The following ZFAT variants were observed in gnomAD, a reference collection of about 807,000 sequenced individuals.
ZFAT encodes zinc finger protein ZFAT.
A neutral mutation model predicts 117.7 loss-of-function variants in ZFAT; 64 were observed. The observed-to-expected ratio is 0.54, with a 90% CI of 0.44 to 0.67. The LOEUF (loss-of-function observed/expected upper bound fraction) is 0.67, where lower values mean the gene tolerates loss of function less well. ZFAT is among the 30% of genes least tolerant of loss of function. The pLI is 0.00. For missense variants in ZFAT, 1,433 were observed against 1,584.5 expected (o/e 0.90, Z 1.62); for synonymous variants, 679 against 615.0 (o/e 1.10, Z -1.54).
chr8:134,491,261 A>T (rs888789977), intron 15 of ZFAT, among the ~76,000 whole-genome samples: 1 of 152,198 alleles, frequency 6.6e-6, no homozygotes, highest in Non-Finnish European at 1.5e-5. Flanking sequence ...TGCTCTACGA[A>T]AGCCCTCCGG....
chr8:134,794,061 T>C, the ZFAT span: 1 of 152,254 alleles, frequency 6.6e-6, no homozygotes, highest in Non-Finnish European at 1.5e-5. Context: ...TGTTGTATGA[T>C]CGCTTTTTCC....
At chr8:134,596,530 CT>C (rs1180991614) in intron 7 of ZFAT, among the ~76,000 whole-genome samples, 1 of 152,144 alleles carries the variant, frequency 6.6e-6, no homozygotes, top group Non-Finnish European at 1.5e-5. Context: ...AAGGTTAATA[CT>C]TAACCTCCTA....
the ZFAT span, among the ~76,000 whole-genome samples, chr8:134,759,025 G>A: frequency 6.6e-6 from 1 of 152,188 alleles, no homozygotes; most frequent in South Asian, 2.1e-4. Flanking sequence ...AGGGAGAAGG[G>A]ACTGACTATT....
At position 134,515,950 on chromosome 8, in the gene ZFAT, C is replaced by T. The variant is rs79064626; in HGVS notation, c.3235-3349G>A. 2.4e-4 allele frequency among the ~76,000 whole-genome samples: 36 copies of T among 152,336 alleles called. No individual in the cohort carries two copies. In the East Asian group the frequency reaches 6.6e-3, roughly 28 times the overall value. Reference sequence around the variant, plus strand: ...CAAAAACTTTACAATAAATCCTTAACATCATCAATGGTCTAGACAATGTTT... The same window carrying T: ...CAAAAACTTTACAATAAATCCTTAATATCATCAATGGTCTAGACAATGTTT... On this transcript the variant is annotated intron_variant, in intron 13 of 15. Coordinates refer to ENST00000377838, the MANE Select transcript of ZFAT (RefSeq NM_020863.4).
At chr8:134,554,748 T>G (rs979698887) in intron 11 of ZFAT, among the ~76,000 whole-genome samples, 1 of 152,194 alleles carries the variant, frequency 6.6e-6, no homozygotes, top group Non-Finnish European at 1.5e-5. Context: ...CCTGCAAAGC[T>G]GGTAGAGCGC....
intron 2 of ZFAT, among the ~76,000 whole-genome samples, chr8:134,656,936 C>T (rs1055578002): frequency 6.6e-6 from 1 of 152,236 alleles, no homozygotes; most frequent in Non-Finnish European, 1.5e-5. Context: ...ACACTACAGA[C>T]AAGATGCATC....
At chr8:134,550,579 C>T (rs538384520) in intron 11 of ZFAT, among the ~76,000 whole-genome samples, 48 of 152,296 alleles carry the variant, frequency 3.2e-4, no homozygotes, top group Non-Finnish European at 6.6e-4. Flanking sequence ...GACTCTTTAG[C>T]GTTCTCTGAT....
At chr8:134,813,782 G>A in the ZFAT span, among the ~76,000 whole-genome samples, 2 of 143,860 alleles carry the variant, frequency 1.4e-5, no homozygotes, top group African/African-American at 5.2e-5. Flanking sequence ...TCTCAAAAAG[G>A]TATGCCGTTT....
At chr8:134,693,628 CG>C (rs1833688467) in intron 1 of ZFAT, among the ~76,000 whole-genome samples, 1 of 25,548 alleles carries the variant, frequency 3.9e-5, no homozygotes, top group Admixed American at 2.6e-4. Flanking sequence ...AAACGGGGCG[CG>C]GGGGGTGGGA....
chr8:134,826,535 G>A, the ZFAT span, among the ~76,000 whole-genome samples: 1 of 152,012 alleles, frequency 6.6e-6, no homozygotes, highest in South Asian at 2.1e-4. Context: ...ATCTATTTAA[G>A]AGCATGTTTT....
chr8:134,819,500 C>A, the ZFAT span, among the ~76,000 whole-genome samples: 5 of 84,188 alleles, frequency 5.9e-5, no homozygotes, highest in South Asian at 6.1e-4. Context: ...TTTACCACCC[C>A]CCCCCCCCGC....
intron 1 of ZFAT, among the ~76,000 whole-genome samples, chr8:134,702,833 A>G (rs1834052044): frequency 6.6e-6 from 1 of 152,000 alleles, no homozygotes; most frequent in Non-Finnish European, 1.5e-5. Flanking sequence ...CACCACGTCC[A>G]GCTAATTTCT....
upstream of ZFAT, among the ~76,000 whole-genome samples, chr8:134,717,915 G>C (rs1814230231): frequency 1.3e-5 from 2 of 152,038 alleles, no homozygotes; most frequent in Admixed American, 1.3e-4. Context: ...GGCTGGTCTT[G>C]AACTCCTGAC....
intron 3 of ZFAT, among the ~76,000 whole-genome samples, chr8:134,621,632 A>AT (rs1319541615): frequency 1.3e-5 from 2 of 152,082 alleles, no homozygotes; most frequent in Non-Finnish European, 2.9e-5. Context: ...TAATTTTCAA[A>AT]TTTTTTTAAC....
In ZFAT at chr8:134,712,882, AG is replaced by A. The variant is rs772663241; in HGVS notation, c.-20del. ...TCTCCATGGCAACGCCCCACCGCGGAGGAAAAAAAAGCCTCGGGCTCTTCCG... is the reference window on the plus strand; with the variant it reads ...TCTCCATGGCAACGCCCCACCGCGGAGAAAAAAAAGCCTCGGGCTCTTCCG... On this transcript the variant is annotated 5_prime_UTR_variant, in exon 1 of 16. Coordinates refer to ENST00000377838, the MANE Select transcript of ZFAT (RefSeq NM_020863.4). 38 of 1,347,810 alleles carry A rather than the reference AG, an allele frequency of 2.8e-5. No homozygotes were observed. Among genetic ancestry groups the A allele is most frequent in the African/African-American group, 1.2e-4 (7 of 60,112 alleles). The allele number at this position is 1,347,810 out of a possible 1,614,324, so 83.5% of individuals were successfully genotyped here. A position where few individuals can be genotyped will look rare whatever the true frequency, so the allele number is the denominator to read the frequency against.
chr8:134,658,894 T>G (rs764575115), intron 1 of ZFAT, among the ~76,000 whole-genome samples: 2 of 152,100 alleles, frequency 1.3e-5, no homozygotes, highest in Non-Finnish European at 2.9e-5. Context: ...CATAGGAACT[T>G]TGGGGATGGA....
intron 5 of ZFAT, 78 bp downstream of exon 5, chr8:134,608,651 T>C (rs3739421): frequency 0.12 from 176,034 of 1,514,110 alleles, 11,245 homozygotes; most frequent in Admixed American, 0.22. Flanking sequence ...CGAACAAGCA[T>C]GCTGATCCTT....
intron 3 of ZFAT, 95 bp from the exon 4 acceptor site, chr8:134,610,750 ACACAGCTCTTTGGTCTGCAGTGC>A (rs1828272634): frequency 6.9e-7 from 1 of 1,449,658 alleles, no homozygotes; most frequent in African/African-American, 1.4e-5. Context: ...AGTAAAGGAA[ACACAGCTCTTTGGTCTGCAGTGC>A]CACGCAGACC....
rs183931351 is a variant in ZFAT, at chr8:134,585,029, G to T, written c.2714-1024C>A. On this transcript the variant is annotated intron_variant, in intron 9 of 15. Coordinates refer to ENST00000377838, the MANE Select transcript of ZFAT (RefSeq NM_020863.4). Reference sequence around the variant, plus strand: ...AGCTCTGGTCTGGGTTTCTAGAGATGAAGTAATAATCTAACCATAAGTGTC... The same window carrying T: ...AGCTCTGGTCTGGGTTTCTAGAGATTAAGTAATAATCTAACCATAAGTGTC... Among the ~76,000 whole-genome samples, 46 of 152,304 alleles carry T rather than the reference G, an allele frequency of 3.0e-4. No homozygotes were observed. The East Asian group carries it at 8.5e-3, about 28-fold the overall frequency.
Sources: gnomAD v4.1 joint callset for allele counts (sites outside exome capture counted in the v4.1 genomes callset) on GRCh38, gnomAD v4.1.1 for gene constraint, MANE v1.5 for transcripts, NCBI Gene and HGNC (gene_info 2026-07-23, HGNC 2026-07-21) for gene names.